CDH13: variants seen among roughly 807,000 people sequenced by gnomAD.
CDH13 encodes cadherin-13.
Under a neutral mutation model 63.8 loss-of-function variants are expected in CDH13, and 24 were observed. The ratio of observed to expected loss-of-function variants is 0.38; its 90% CI spans 0.27 to 0.53. The LOEUF (loss-of-function observed/expected upper bound fraction) is 0.53, where lower values mean the gene tolerates loss of function less well. CDH13 is among the 20% of genes least tolerant of loss of function. CDH13 has a pLI of 0.85. For synonymous variants in CDH13, 503 were observed against 355.3 expected, an observed-to-expected ratio of 1.42 and a Z score of -4.67; for missense variants, 1,049 against 903.1, an observed-to-expected ratio of 1.16 and a Z score of -2.07.
intron 2 of CDH13, among the ~76,000 whole-genome samples, chr16:82,869,398 C>G (rs917329765): frequency 1.3e-5 from 2 of 150,546 alleles, no homozygotes; most frequent in Non-Finnish European, 3.0e-5. Context: ...GTGAGAAGTG[C>G]GGAAGGGGTA....
intron 12 of CDH13, 31 bp from the exon 13 acceptor site, chr16:83,783,223 A>T (rs153654): frequency 2.7e-6 from 4 of 1,493,732 alleles, no homozygotes; most frequent in South Asian, 1.1e-5. Flanking sequence ...AGTCTCATCC[A>T]CTCTCACCAG....
chr16:82,769,916 G>A (rs555236964), intron 1 of CDH13, among the ~76,000 whole-genome samples: 4 of 152,338 alleles, frequency 2.6e-5, no homozygotes, highest in Admixed American at 2.0e-4. Context: ...AGATTAACGA[G>A]CCCATGAATG....
chr16:83,676,161 C>A (rs948523057), intron 9 of CDH13, among the ~76,000 whole-genome samples: 1 of 152,206 alleles, frequency 6.6e-6, no homozygotes, highest in Non-Finnish European at 1.5e-5. Context: ...CTGAGCGGCA[C>A]AAATTGGTTA....
intron 6 of CDH13, among the ~76,000 whole-genome samples, chr16:83,458,761 T>C (rs1212041281): frequency 6.6e-6 from 1 of 152,202 alleles, no homozygotes; most frequent in Non-Finnish European, 1.5e-5. Flanking sequence ...TTCCCAATGG[T>C]GCGATTGCTC....
intron 1 of CDH13, among the ~76,000 whole-genome samples, chr16:82,745,752 T>C (rs552795243): frequency 3.0e-4 from 46 of 152,320 alleles, no homozygotes; most frequent in African/African-American, 1.1e-3. Context: ...ATACACATCA[T>C]TGAATTAATA....
intron 1 of CDH13, among the ~76,000 whole-genome samples, chr16:82,785,752 G>A (rs1442409706): frequency 6.6e-6 from 1 of 152,194 alleles, no homozygotes. Context: ...GGGGCTGGAG[G>A]GAGAAGGTTA....
At chr16:83,119,795 G>T (rs2035482335) in intron 3 of CDH13, among the ~76,000 whole-genome samples, 2 of 152,150 alleles carry the variant, frequency 1.3e-5, no homozygotes, top group East Asian at 3.9e-4. Flanking sequence ...CAGTCATACA[G>T]AAACATATGG....
At chr16:82,666,380 C>A (rs1167092895) in intron 1 of CDH13, among the ~76,000 whole-genome samples, 1 of 152,184 alleles carries the variant, frequency 6.6e-6, no homozygotes, top group Non-Finnish European at 1.5e-5. Context: ...GAATCATGGA[C>A]AATGAGGCCA....
intron 2 of CDH13, among the ~76,000 whole-genome samples, chr16:82,929,651 CAAAAAAAAAAAAAAAAA>C (rs71146097): frequency 3.2e-4 from 14 of 44,272 alleles, no homozygotes; most frequent in East Asian, 2.3e-3. Flanking sequence ...GACTCCATCT[CAAAAAAAAAAAAAAAAA>C]AAAAAAAAAA....
chr16:82,966,454 C>T (rs1907849264), intron 2 of CDH13, among the ~76,000 whole-genome samples: 1 of 152,122 alleles, frequency 6.6e-6, no homozygotes, highest in Non-Finnish European at 1.5e-5. Flanking sequence ...GCCTATTTTT[C>T]CTATTTTATT....
At chr16:82,650,233 A>AT (rs1265100832) in intron 1 of CDH13, among the ~76,000 whole-genome samples, 1 of 152,112 alleles carries the variant, frequency 6.6e-6, no homozygotes, top group Non-Finnish European at 1.5e-5. Flanking sequence ...GTGAGGTTGC[A>AT]TTTTTTTCTC....
chr16:82,650,686 T>C (rs1439624622), intron 1 of CDH13, among the ~76,000 whole-genome samples: 1 of 152,186 alleles, frequency 6.6e-6, no homozygotes, highest in Non-Finnish European at 1.5e-5. Flanking sequence ...GAAAACTGTA[T>C]CTGTGCTCAG....
chr16:82,971,101 C>T (rs1303921384), intron 2 of CDH13, among the ~76,000 whole-genome samples: 1 of 152,190 alleles, frequency 6.6e-6, no homozygotes, highest in African/African-American at 2.4e-5. Context: ...TGAGAACAGC[C>T]AGGCCTCAAC....
intron 6 of CDH13, among the ~76,000 whole-genome samples, chr16:83,392,290 T>G: frequency 6.6e-6 from 1 of 152,206 alleles, no homozygotes; most frequent in East Asian, 1.9e-4. Flanking sequence ...AGCTCCAATC[T>G]TAAAGCCTCC....
At chr16:82,650,274 C>A (rs1910574361) in intron 1 of CDH13, among the ~76,000 whole-genome samples, 1 of 152,136 alleles carries the variant, frequency 6.6e-6, no homozygotes, top group African/African-American at 2.4e-5. Context: ...TAAACAGAGG[C>A]TGTTCAATAA....
At chr16:82,632,792 A>G (rs1201868153) in intron 1 of CDH13, among the ~76,000 whole-genome samples, 1 of 152,210 alleles carries the variant, frequency 6.6e-6, no homozygotes, top group Non-Finnish European at 1.5e-5. Context: ...TATATAATGA[A>G]ATAATTCTAC....
At chr16:83,018,767 A>G (rs542975919) in intron 2 of CDH13, among the ~76,000 whole-genome samples, 1 of 152,352 alleles carries the variant, frequency 6.6e-6, no homozygotes, top group South Asian at 2.1e-4. Context: ...CTCCTCGGCT[A>G]CTAACATATA....
chr16:83,176,154 C>G (rs1054844655), intron 4 of CDH13, among the ~76,000 whole-genome samples: 2 of 151,322 alleles, frequency 1.3e-5, no homozygotes, highest in Admixed American at 6.6e-5. Context: ...CCGGCCTCAA[C>G]CTACTTTTTA....
chr16:83,739,509 G>T (rs1038497225), intron 10 of CDH13, among the ~76,000 whole-genome samples: 1 of 152,150 alleles, frequency 6.6e-6, no homozygotes, highest in Non-Finnish European at 1.5e-5. Flanking sequence ...TGTTCTGTGG[G>T]CCTTCCTGGC....
Sources: gnomAD v4.1 joint callset for allele counts (sites outside exome capture counted in the v4.1 genomes callset) on GRCh38, gnomAD v4.1.1 for gene constraint, MANE v1.5 for transcripts, NCBI Gene and HGNC (gene_info 2026-07-23, HGNC 2026-07-21) for gene names.